PACRGL: variants seen among roughly 807,000 people sequenced by gnomAD.
PACRGL encodes the protein PACRG-like protein.
In PACRGL, 38 loss-of-function variants were observed where a neutral mutation model predicts 34.5. The observed-to-expected ratio is 1.10, with a 90% CI of 0.85 to 1.44. The LOEUF (loss-of-function observed/expected upper bound fraction) is 1.44. PACRGL is among the 40% of genes most tolerant of loss of function. PACRGL has a pLI of 0.00. For missense variants in PACRGL, 305 were observed against 281.4 expected (o/e 1.08, Z -0.60); for synonymous variants, 128 against 100.1 (o/e 1.28, Z -1.66).
At chr4:20,711,896 A>G (rs1025028597) in intron 5 of PACRGL, among the ~76,000 whole-genome samples, 1 of 152,204 alleles carries the variant, frequency 6.6e-6, no homozygotes, top group Non-Finnish European at 1.5e-5. Flanking sequence ...AAATGCATAT[A>G]GTATGATACT....
intron 8 of PACRGL, among the ~76,000 whole-genome samples, chr4:20,742,416 C>A (rs1296519378): frequency 1.3e-5 from 2 of 152,158 alleles, no homozygotes; most frequent in Non-Finnish European, 2.9e-5. Flanking sequence ...GTTCAACATA[C>A]ACAAATCAAT....
At chr4:20,745,428 G>A (rs1185665319) in intron 8 of PACRGL, among the ~76,000 whole-genome samples, 6 of 151,976 alleles carry the variant, frequency 3.9e-5, no homozygotes, top group Non-Finnish European at 5.9e-5. Context: ...ATATCTTTTC[G>A]TGCAAAAGAA....
At position 20,732,127 on chromosome 4, in the gene PACRGL, G is replaced by A; in HGVS notation, c.*4786G>A. ...CTTATCCCTTAATACCCTCACACCT[G>A]GACCAAATGAGCTGAAGCTGATAAA... On this transcript the variant is annotated 3_prime_UTR_variant, in exon 9 of 9. Coordinates refer to ENST00000503585, the MANE Select transcript of PACRGL (RefSeq NM_001258345.3). The A allele has an allele frequency of 1.7e-6, 2 of 1,149,822 alleles. No individual in the cohort carries two copies. The highest frequency in any genetic ancestry group is 2.6e-6 in the Non-Finnish European group (2 of 771,970). 71.2% of individuals were successfully genotyped at this position (1,149,822 alleles called of 1,614,324 possible). A position where few individuals can be genotyped will look rare whatever the true frequency, so the allele number is the denominator to read the frequency against.
the PACRGL span, among the ~76,000 whole-genome samples, chr4:20,764,659 G>A: frequency 1.2e-4 from 18 of 145,030 alleles, no homozygotes; most frequent in African/African-American, 4.4e-4. Context: ...AGGAGCTACC[G>A]ACTAGAATCA....
At chr4:20,726,504 T>C (rs1745712978) in intron 8 of PACRGL, among the ~76,000 whole-genome samples, 1 of 152,196 alleles carries the variant, frequency 6.6e-6, no homozygotes, top group Admixed American at 6.5e-5. Context: ...TGGCTTATTA[T>C]TGTGCTAATT....
chr4:20,702,273 C>G (rs577095545), intron 1 of PACRGL: 25 of 453,834 alleles, frequency 5.5e-5, no homozygotes, highest in African/African-American at 4.2e-4. Flanking sequence ...TGCCTGTGCC[C>G]TTGTTATGTT....
Position 20,727,826 on chromosome 4 carries a change from G to A in PACRGL, c.*485G>A, listed in dbSNP as rs1746390832. 6.4e-6 allele frequency: 1 copy of A among 155,132 alleles called. No individual in the cohort carries two copies. The highest frequency in any genetic ancestry group is 2.4e-5 in the African/African-American group (1 of 41,474). The allele number at this position is 155,132 out of a possible 1,614,324, so 9.6% of individuals were successfully genotyped here. On this transcript the variant is annotated 3_prime_UTR_variant, in exon 9 of 9. Coordinates refer to ENST00000503585, the MANE Select transcript of PACRGL (RefSeq NM_001258345.3). ...AAGAGAAAAGCGGTCTTGCTTTGTT[G>A]CCCAGACTGGAGTGCAGTGGCATAA...
chr4:20,714,511 T>C (rs899852910), intron 7 of PACRGL, among the ~76,000 whole-genome samples: 19 of 152,282 alleles, frequency 1.2e-4, no homozygotes, highest in African/African-American at 4.3e-4. Flanking sequence ...TTAAAGTTAA[T>C]ATTATGATGT....
intron 8 of PACRGL, among the ~76,000 whole-genome samples, chr4:20,749,979 G>A (rs1753294226): frequency 6.6e-6 from 1 of 152,220 alleles, no homozygotes; most frequent in Non-Finnish European, 1.5e-5. Context: ...CAATGCTGTA[G>A]TCTTGGGTGA....
rs1191014544 is a variant in PACRGL, at chr4:20,724,806, A to C, written c.610-2A>C. ...CGTTTCCCCCTAATCTTACTTTAAAAGCTTTCCAAGAGATTAATGGACAAG... is the reference window on the plus strand; with the variant it reads ...CGTTTCCCCCTAATCTTACTTTAAACGCTTTCCAAGAGATTAATGGACAAG... On this transcript the variant is annotated splice_acceptor_variant, in intron 7 of 8. Transcript: ENST00000503585. LOFTEE classifies it high-confidence loss of function. 128 of 1,468,256 alleles carry C rather than the reference A, an allele frequency of 8.7e-5. 1 individual carries two copies. The highest frequency in any genetic ancestry group is 1.1e-4 in the Non-Finnish European group (122 of 1,116,522). The allele number at this position is 1,468,256 out of a possible 1,614,324, so 91.0% of individuals were successfully genotyped here.
At chr4:20,744,757 TAAAG>T (rs1266456911) in intron 8 of PACRGL, among the ~76,000 whole-genome samples, 1 of 151,968 alleles carries the variant, frequency 6.6e-6, no homozygotes, top group Non-Finnish European at 1.5e-5. Context: ...CCCTAGAACT[TAAAG>T]AATAATAATA....
intron 5 of PACRGL, among the ~76,000 whole-genome samples, chr4:20,712,517 A>T (rs947750565): frequency 6.6e-6 from 1 of 152,108 alleles, no homozygotes; most frequent in East Asian, 1.9e-4. Context: ...TGCACATACT[A>T]TGCTCTTTTA....
At chr4:20,707,549 A>C (rs1392203237) in intron 3 of PACRGL, among the ~76,000 whole-genome samples, 1 of 152,254 alleles carries the variant, frequency 6.6e-6, no homozygotes, top group East Asian at 1.9e-4. Context: ...AGTGGGGAAG[A>C]AGGTAGAAAG....
At chr4:20,766,036 A>T in the PACRGL span, among the ~76,000 whole-genome samples, 1 of 152,102 alleles carries the variant, frequency 6.6e-6, no homozygotes, top group South Asian at 2.1e-4. Context: ...ATAATTATTA[A>T]TGTGATGATG....
At chr4:20,742,548 G>C (rs2149309265) in intron 8 of PACRGL, among the ~76,000 whole-genome samples, 1 of 152,196 alleles carries the variant, frequency 6.6e-6, no homozygotes, top group African/African-American at 2.4e-5. Context: ...CAATAAACTA[G>C]GTATTAATGG....
intron 7 of PACRGL, among the ~76,000 whole-genome samples, chr4:20,723,825 A>G (rs1001829998): frequency 2.6e-5 from 4 of 152,018 alleles, no homozygotes; most frequent in Non-Finnish European, 5.9e-5. Flanking sequence ...TCCTGGTGTT[A>G]TATAAAGAGT....
intron 7 of PACRGL, among the ~76,000 whole-genome samples, chr4:20,713,963 A>C (rs1336283598): frequency 6.6e-6 from 1 of 152,160 alleles, no homozygotes; most frequent in African/African-American, 2.4e-5. Flanking sequence ...GCTGAAAAAA[A>C]TGTATATTCT....
At position 20,729,525 on chromosome 4, in the gene PACRGL, A is replaced by G. The variant is rs1424236256; in HGVS notation, c.*2184A>G. ...ATGTTTAAAAATGCCAGATAAAACTAATTTCTAACAGAAGGTGGGAAGGCC... is the reference window on the plus strand; with the variant it reads ...ATGTTTAAAAATGCCAGATAAAACTGATTTCTAACAGAAGGTGGGAAGGCC... On this transcript the variant is annotated 3_prime_UTR_variant, in exon 9 of 9. Transcript: ENST00000503585. 4.6e-5 allele frequency: 7 copies of G among 152,134 alleles called. No individual in the cohort carries two copies. The highest frequency in any genetic ancestry group is 4.6e-4 in the Admixed American group (7 of 15,266). The allele number at this position is 152,134 out of a possible 1,614,324, so 9.4% of individuals were successfully genotyped here.
chr4:20,763,272 G>T, the PACRGL span, among the ~76,000 whole-genome samples: 1 of 152,174 alleles, frequency 6.6e-6, no homozygotes, highest in East Asian at 1.9e-4. Flanking sequence ...TTGCTTTTTT[G>T]GATGAGGGAT....
Sources: gnomAD v4.1 joint callset for allele counts (sites outside exome capture counted in the v4.1 genomes callset) on GRCh38, gnomAD v4.1.1 for gene constraint, MANE v1.5 for transcripts, NCBI Gene and HGNC (gene_info 2026-07-23, HGNC 2026-07-21) for gene names.